The following PDSS2 variants were observed in gnomAD, a reference collection of about 807,000 sequenced individuals.
PDSS2 encodes the protein all trans-polyprenyl-diphosphate synthase PDSS2.
Under a neutral mutation model 44.5 loss-of-function variants are expected in PDSS2, and 31 were observed. That is an observed-to-expected ratio of 0.70 (90% CI 0.52 to 0.94). The LOEUF is 0.94. Ranked by LOEUF, PDSS2 falls within the 40% of genes least tolerant of loss-of-function variation. PDSS2 has a pLI of 0.00. For synonymous variants in PDSS2, 157 were observed against 180.3 expected, an observed-to-expected ratio of 0.87 and a Z score of 1.03; for missense variants, 452 against 482.2, an observed-to-expected ratio of 0.94 and a Z score of 0.59.
chr6:107,255,747 T>C (rs1299378213), intron 3 of PDSS2, among the ~76,000 whole-genome samples: 1 of 152,232 alleles, frequency 6.6e-6, no homozygotes, highest in Non-Finnish European at 1.5e-5. Context: ...ACCTTGTTAG[T>C]CCTTGTAATT....
chr6:107,185,622 C>T (rs1418037297), intron 7 of PDSS2, among the ~76,000 whole-genome samples: 1 of 152,160 alleles, frequency 6.6e-6, no homozygotes, highest in African/African-American at 2.4e-5. Flanking sequence ...AATACACAGA[C>T]GTTTGTCGAT....
At chr6:107,414,992 C>G (rs1242708684) in intron 1 of PDSS2, among the ~76,000 whole-genome samples, 1 of 152,158 alleles carries the variant, frequency 6.6e-6, no homozygotes, top group Non-Finnish European at 1.5e-5. Context: ...AGAATCTCAA[C>G]TCAATGAGTG....
intron 1 of PDSS2, among the ~76,000 whole-genome samples, chr6:107,366,511 T>A (rs1460600900): frequency 6.6e-6 from 1 of 151,140 alleles, no homozygotes; most frequent in African/African-American, 2.4e-5. Flanking sequence ...AATAATAAAG[T>A]TTACAGTGAA....
intron 2 of PDSS2, among the ~76,000 whole-genome samples, chr6:107,321,192 A>G (rs2115172003): frequency 6.6e-6 from 1 of 152,314 alleles, no homozygotes; most frequent in African/African-American, 2.4e-5. Flanking sequence ...TGTTCAATAA[A>G]TGTTTGTTGA....
At chr6:107,188,266 C>G (rs1448401683) in intron 7 of PDSS2, among the ~76,000 whole-genome samples, 4 of 151,934 alleles carry the variant, frequency 2.6e-5, no homozygotes, top group Non-Finnish European at 5.9e-5. Flanking sequence ...GTAGTTCCAG[C>G]TACTTGGGAG....
At chr6:107,231,138 T>C (rs1774036290) in intron 4 of PDSS2, among the ~76,000 whole-genome samples, 1 of 152,216 alleles carries the variant, frequency 6.6e-6, no homozygotes, top group South Asian at 2.1e-4. Flanking sequence ...GAAATGCTAC[T>C]TTCTGCAAAG....
chr6:107,327,264 G>T (rs1029151113), intron 2 of PDSS2, among the ~76,000 whole-genome samples: 1 of 152,140 alleles, frequency 6.6e-6, no homozygotes, highest in Non-Finnish European at 1.5e-5. Flanking sequence ...GTCCCCAGCA[G>T]CAGCATATTC....
intron 6 of PDSS2, chr6:107,197,796 C>T (rs1233939260): frequency 2.1e-6 from 1 of 470,452 alleles, no homozygotes; most frequent in African/African-American, 2.0e-5. Flanking sequence ...CCTCTTCATG[C>T]TCTCTCAATA....
intron 2 of PDSS2, among the ~76,000 whole-genome samples, chr6:107,294,345 C>T (rs1231359934): frequency 6.6e-6 from 1 of 152,038 alleles, no homozygotes; most frequent in Non-Finnish European, 1.5e-5. Flanking sequence ...CTAAATGTCC[C>T]CCCAAATACT....
At chr6:107,425,961 G>GAA (rs111535075) in intron 1 of PDSS2, among the ~76,000 whole-genome samples, 4 of 114,070 alleles carry the variant, frequency 3.5e-5, no homozygotes, top group Non-Finnish European at 3.7e-5. Context: ...ACTTCGTCTC[G>GAA]AAAAAAAAAA....
chr6:107,425,296 C>T (rs970599148), intron 1 of PDSS2, among the ~76,000 whole-genome samples: 2 of 148,764 alleles, frequency 1.3e-5, no homozygotes, highest in African/African-American at 4.9e-5. Flanking sequence ...GGGTAACAGG[C>T]AGAGGTTGGA....
chr6:107,299,014 G>A (rs1289321228), intron 2 of PDSS2, among the ~76,000 whole-genome samples: 1 of 151,778 alleles, frequency 6.6e-6, no homozygotes. Flanking sequence ...GATGGCACAG[G>A]CCGGTAGTCC....
chr6:107,358,185 G>A (rs1008182266), intron 1 of PDSS2, among the ~76,000 whole-genome samples: 9 of 152,010 alleles, frequency 5.9e-5, no homozygotes, highest in African/African-American at 1.2e-4. Context: ...AATTACCTTC[G>A]GACTAGGTGT....
At chr6:107,386,085 A>C (rs1302915773) in intron 1 of PDSS2, among the ~76,000 whole-genome samples, 1 of 152,148 alleles carries the variant, frequency 6.6e-6, no homozygotes, top group Non-Finnish European at 1.5e-5. Flanking sequence ...CTAAAAAGGC[A>C]TCTTTGAGAA....
chr6:107,279,409 G>A (rs59659608), intron 2 of PDSS2, among the ~76,000 whole-genome samples: 3,580 of 152,164 alleles, frequency 0.024, 147 homozygotes, highest in African/African-American at 0.082. Context: ...TTAAGAACAG[G>A]CTTAATTCTT....
chr6:107,425,934 C>T (rs11759930), intron 1 of PDSS2, among the ~76,000 whole-genome samples: 2 of 150,290 alleles, frequency 1.3e-5, no homozygotes, highest in African/African-American at 4.9e-5. Context: ...GCACTCCAGC[C>T]TGGGCGACAG....
At chr6:107,306,752 T>C (rs937306018) in intron 2 of PDSS2, among the ~76,000 whole-genome samples, 2 of 152,228 alleles carry the variant, frequency 1.3e-5, no homozygotes, top group South Asian at 2.1e-4. Context: ...ACACTGACTA[T>C]AAGGTACAAA....
chr6:107,372,772 C>T (rs1309992048), intron 1 of PDSS2, among the ~76,000 whole-genome samples: 1 of 151,448 alleles, frequency 6.6e-6, no homozygotes. Context: ...ATAATTCTTG[C>T]CAAATCCTAA....
chr6:107,311,511 A>C (rs1332057955), intron 2 of PDSS2, among the ~76,000 whole-genome samples: 1 of 152,160 alleles, frequency 6.6e-6, no homozygotes, highest in Non-Finnish European at 1.5e-5. Context: ...CCCAGCCTTC[A>C]ATCAGCACAT....
Sources: gnomAD v4.1 joint callset for allele counts (sites outside exome capture counted in the v4.1 genomes callset) on GRCh38, gnomAD v4.1.1 for gene constraint, MANE v1.5 for transcripts, NCBI Gene and HGNC (gene_info 2026-07-23, HGNC 2026-07-21) for gene names.